Variants in RAD51B observed in about 807,000 individuals in gnomAD.
RAD51B encodes RAD51 paralog B.
Under a neutral mutation model 42.2 loss-of-function variants are expected in RAD51B, and 38 were observed. The ratio of observed to expected loss-of-function variants is 0.90; its 90% CI spans 0.70 to 1.18. The LOEUF (loss-of-function observed/expected upper bound fraction) is 1.18. Ranked by LOEUF, RAD51B falls within the 50% of genes most tolerant of loss-of-function variation. The probability of loss-of-function intolerance (pLI) is 0.00; values close to 1 mark genes in which losing one functional copy is unlikely to be tolerated. For synonymous variants in RAD51B, 154 were observed against 145.2 expected, an observed-to-expected ratio of 1.06 and a Z score of -0.43; for missense variants, 373 against 400.7, an observed-to-expected ratio of 0.93 and a Z score of 0.59.
At chr14:68,059,189 C>A (rs2076529271) in intron 7 of RAD51B, among the ~76,000 whole-genome samples, 2 of 152,118 alleles carry the variant, frequency 1.3e-5, no homozygotes. Context: ...ATTTCCACTG[C>A]CACTGCCCTA....
At chr14:68,358,322 C>A (rs2082949626) in intron 8 of RAD51B, among the ~76,000 whole-genome samples, 2 of 152,214 alleles carry the variant, frequency 1.3e-5, no homozygotes, top group Admixed American at 1.3e-4. Context: ...TGTAGAAAAA[C>A]ATAGCATCTG....
chr14:67,855,101 T>C (rs1292721474), intron 4 of RAD51B, among the ~76,000 whole-genome samples: 1 of 152,230 alleles, frequency 6.6e-6, no homozygotes, highest in African/African-American at 2.4e-5. Flanking sequence ...GGTTTCACCA[T>C]GTTAGCCAGG....
At chr14:68,044,734 C>G (rs1286160528) in intron 7 of RAD51B, among the ~76,000 whole-genome samples, 1 of 151,504 alleles carries the variant, frequency 6.6e-6, no homozygotes, top group East Asian at 1.9e-4. Context: ...CTCTCTATAC[C>G]CCTCTTTGCT....
intron 10 of RAD51B, among the ~76,000 whole-genome samples, chr14:68,488,882 G>T (rs547414687): frequency 4.6e-5 from 7 of 152,244 alleles, no homozygotes; most frequent in African/African-American, 1.7e-4. Flanking sequence ...ACCTCATGTT[G>T]CCAGAATGTC....
rs577449817 is a variant in RAD51B at position 68,497,563 on chromosome 14, T to A, written c.1036+29313T>A. On this transcript the variant is annotated intron_variant, in intron 10 of 10. Transcript: ENST00000487270. ...AATTTATATAAGATGAAATTAACCA[T>A]TTTAAAGTAAACAATTCCGTGGCAA... 6.8e-6 allele frequency: 7 copies of A among 1,028,036 alleles called. No homozygotes were observed. In the African/African-American group the frequency reaches 8.4e-5, roughly 12 times the overall value. 63.7% of individuals were successfully genotyped at this position (1,028,036 alleles called of 1,614,324 possible). A position where few individuals can be genotyped will look rare whatever the true frequency, so the allele number is the denominator to read the frequency against.
intron 8 of RAD51B, among the ~76,000 whole-genome samples, chr14:68,303,991 G>A (rs1237342173): frequency 1.3e-5 from 2 of 152,058 alleles, no homozygotes; most frequent in African/African-American, 4.8e-5. Context: ...ACAACATGGC[G>A]AAACACCATC....
chr14:68,161,241 T>TA (rs2140821935), intron 7 of RAD51B, among the ~76,000 whole-genome samples: 1 of 152,308 alleles, frequency 6.6e-6, no homozygotes, highest in East Asian at 1.9e-4. Flanking sequence ...CTTCAGGTAT[T>TA]ACACATCATT....
intron 7 of RAD51B, among the ~76,000 whole-genome samples, chr14:68,119,751 C>A (rs2077614765): frequency 6.6e-6 from 1 of 151,656 alleles, no homozygotes; most frequent in Non-Finnish European, 1.5e-5. Flanking sequence ...CAAGTCTTTG[C>A]TATTGTGAAT....
intron 7 of RAD51B, among the ~76,000 whole-genome samples, chr14:68,156,455 T>TTCTCTCTCTCTCTC (rs10650896): frequency 0.028 from 3,142 of 114,228 alleles, 148 homozygotes; most frequent in African/African-American, 0.037. Flanking sequence ...CTTAGAAAAT[T>TTCTCTCTCTCTCTC]TCTCTCTCTC....
intron 10 of RAD51B, among the ~76,000 whole-genome samples, chr14:68,625,746 T>C (rs766596782): frequency 2.6e-5 from 4 of 152,232 alleles, no homozygotes; most frequent in Non-Finnish European, 5.9e-5. Context: ...GTGTCCTTCC[T>C]ACAATGGGTT....
chr14:68,039,933 C>T (rs2076192958), intron 7 of RAD51B, among the ~76,000 whole-genome samples: 3 of 152,208 alleles, frequency 2.0e-5, no homozygotes, highest in Admixed American at 2.0e-4. Flanking sequence ...CATCATAATA[C>T]TGGATACATA....
intron 7 of RAD51B, among the ~76,000 whole-genome samples, chr14:68,283,038 A>G (rs922970071): frequency 3.0e-4 from 45 of 152,184 alleles, no homozygotes; most frequent in Non-Finnish European, 1.2e-4. Context: ...GGAGCAAGTG[A>G]TTCAACAGAA....
chr14:68,393,799 C>G (rs1259937910), intron 8 of RAD51B, among the ~76,000 whole-genome samples: 1 of 152,172 alleles, frequency 6.6e-6, no homozygotes, highest in East Asian at 1.9e-4. Flanking sequence ...TTCCTTTACT[C>G]TCACAGAGGG....
chr14:68,526,733 G>A (rs147543339), intron 10 of RAD51B, among the ~76,000 whole-genome samples: 2 of 152,342 alleles, frequency 1.3e-5, no homozygotes, highest in Non-Finnish European at 2.9e-5. Context: ...TCTGCTCAGA[G>A]GATCTCAGCC....
intron 8 of RAD51B, among the ~76,000 whole-genome samples, chr14:68,298,651 G>A (rs1182944267): frequency 6.6e-6 from 1 of 152,154 alleles, no homozygotes; most frequent in East Asian, 1.9e-4. Flanking sequence ...AAACACCAAG[G>A]CATCTTTGTC....
chr14:68,347,068 C>T (rs2082690969), intron 8 of RAD51B, among the ~76,000 whole-genome samples: 1 of 151,954 alleles, frequency 6.6e-6, no homozygotes, highest in Non-Finnish European at 1.5e-5. Context: ...CTCTTCTTCC[C>T]TTCCATGTCT....
At chr14:68,609,505 C>A (rs1437994092) in intron 10 of RAD51B, among the ~76,000 whole-genome samples, 3 of 152,208 alleles carry the variant, frequency 2.0e-5, no homozygotes, top group African/African-American at 7.2e-5. Context: ...GATGTCCCCA[C>A]CTCCTTTGCA....
intron 9 of RAD51B, among the ~76,000 whole-genome samples, chr14:68,428,739 AT>A (rs1566878467): frequency 4.6e-5 from 3 of 64,968 alleles, no homozygotes; most frequent in Non-Finnish European, 1.0e-4. Flanking sequence ...ATATATATAT[AT>A]ATATATATAT....
At chr14:68,422,058 C>G in intron 9 of RAD51B, 1 of 1,531,232 alleles carries the variant, frequency 6.5e-7, no homozygotes. Flanking sequence ...ACCTTATAAC[C>G]AAATCCTTTC....
Sources: allele counts gnomAD v4.1 joint callset (sites outside exome capture counted in the v4.1 genomes callset), GRCh38; gene constraint gnomAD v4.1.1; transcripts MANE v1.5; gene names NCBI Gene and HGNC (gene_info 2026-07-23, HGNC 2026-07-21).